SAE1: variants seen among roughly 807,000 people sequenced by gnomAD.
The protein encoded by SAE1 is SUMO1 activating enzyme subunit 1.
A neutral mutation model predicts 40.6 loss-of-function variants in SAE1; 11 were observed. That is an observed-to-expected ratio of 0.27 (90% confidence interval 0.17 to 0.45). SAE1 has a LOEUF of 0.45. SAE1 is among the 20% of genes least tolerant of loss of function. SAE1 has a pLI of 1.00. For missense variants in SAE1, 373 were observed against 427.3 expected, an observed-to-expected ratio of 0.87 and a Z score of 1.12; for synonymous variants, 155 against 154.3, an observed-to-expected ratio of 1.00 and a Z score of -0.03.
At chr19:47,173,149 C>T (rs2058445651) in intron 6 of SAE1, among the ~76,000 whole-genome samples, 1 of 152,162 alleles carries the variant, frequency 6.6e-6, no homozygotes, top group Non-Finnish European at 1.5e-5. Flanking sequence ...CAGGCACGCA[C>T]CACCACACCC....
At chr19:47,181,503 G>C (rs1480368072) in intron 6 of SAE1, among the ~76,000 whole-genome samples, 1 of 120,552 alleles carries the variant, frequency 8.3e-6, no homozygotes, top group Admixed American at 9.4e-5. Flanking sequence ...TTTTGAGATG[G>C]AGTCTCACTC....
intron 7 of SAE1, among the ~76,000 whole-genome samples, chr19:47,201,621 A>G (rs2058655992): frequency 6.7e-6 from 1 of 148,200 alleles, no homozygotes; most frequent in African/African-American, 2.5e-5. Flanking sequence ...ATGAGATTCT[A>G]CCAGCAATGG....
At chr19:47,165,076 C>CTTTTTTTTT (rs769656956) in intron 5 of SAE1, among the ~76,000 whole-genome samples, 6 of 59,074 alleles carry the variant, frequency 1.0e-4, no homozygotes, top group Non-Finnish European at 1.1e-4. Context: ...TGAGCCAAGT[C>CTTTTTTTTT]TTTTTTTTTT....
At chr19:47,173,481 C>T (rs925144655) in intron 6 of SAE1, among the ~76,000 whole-genome samples, 2 of 152,116 alleles carry the variant, frequency 1.3e-5, no homozygotes, top group Admixed American at 1.3e-4. Context: ...GTTCAATGAC[C>T]CCTGTGATGT....
intron 1 of SAE1, among the ~76,000 whole-genome samples, chr19:47,137,506 AATTT>A (rs1221203525): frequency 6.6e-5 from 10 of 152,292 alleles, no homozygotes; most frequent in African/African-American, 2.4e-4. Context: ...TTACAACTAA[AATTT>A]TTTTTTCTCG....
intron 6 of SAE1, among the ~76,000 whole-genome samples, chr19:47,173,277 G>C (rs553309043): frequency 6.6e-6 from 1 of 152,132 alleles, no homozygotes; most frequent in Non-Finnish European, 1.5e-5. Flanking sequence ...GATTAGAGGC[G>C]TGAGCCACCG....
At chr19:47,167,523 A>G (rs1302408259) in intron 5 of SAE1, among the ~76,000 whole-genome samples, 3 of 152,166 alleles carry the variant, frequency 2.0e-5, no homozygotes, top group Non-Finnish European at 4.4e-5. Flanking sequence ...TACAGGTGTG[A>G]GCCACTGCGC....
intron 6 of SAE1, among the ~76,000 whole-genome samples, chr19:47,171,744 G>A (rs765865484): frequency 1.3e-5 from 2 of 148,570 alleles, no homozygotes; most frequent in Non-Finnish European, 3.0e-5. Flanking sequence ...GATTACAGAC[G>A]TGAGCCACTG....
rs1436910958 is a variant in SAE1 at position 47,139,724 on chromosome 19, GACT to G, written c.99-3767_99-3765del. ...CTGTCTCAGCCTCCCGAGTAGCTGG[GACT>G]ACAGGCACCCGCCACCACTCCCGGC... On this transcript the variant is annotated intron_variant, in intron 1 of 8. Coordinates refer to ENST00000270225, the MANE Select transcript of SAE1 (RefSeq NM_005500.3). Among the ~76,000 whole-genome samples, 3 of 150,614 alleles carry G rather than the reference GACT, an allele frequency of 2.0e-5. No individual in the cohort carries two copies. In the East Asian group the frequency reaches 5.9e-4, roughly 30 times the overall value.
At chr19:47,183,207 TGCCTG>T (rs2058522235) in intron 6 of SAE1, among the ~76,000 whole-genome samples, 1 of 152,106 alleles carries the variant, frequency 6.6e-6, no homozygotes, top group Non-Finnish European at 1.5e-5. Context: ...TGAGCCACTG[TGCCTG>T]ACCGGTTCAC....
intron 2 of SAE1, among the ~76,000 whole-genome samples, chr19:47,147,024 G>A (rs1319504940): frequency 6.6e-6 from 1 of 152,068 alleles, no homozygotes; most frequent in South Asian, 2.1e-4. Context: ...CATTGAGTTG[G>A]TTTATGGAGC....
rs1178358148 is a variant in SAE1 at position 47,174,654 on chromosome 19, G to C, written c.733+4731G>C. On this transcript the variant is annotated intron_variant, in intron 6 of 8. Transcript: ENST00000270225. ...GTGGCATGATCTCAGCTCACTGCAA[G>C]CTCTGCCTCCCGGGTTCACGCCATT... Among the ~76,000 whole-genome samples, 22 of 142,970 alleles carry C rather than the reference G, an allele frequency of 1.5e-4. No individual in the cohort carries two copies. The Admixed American group carries it at 1.6e-3, about 11-fold the overall frequency. The allele number at this position is 142,970 out of a possible 152,430, so 93.8% of individuals were successfully genotyped here. A position where few individuals can be genotyped will look rare whatever the true frequency, so the allele number is the denominator to read the frequency against.
chr19:47,202,566 A>G (rs2058661438), intron 7 of SAE1, among the ~76,000 whole-genome samples: 1 of 150,896 alleles, frequency 6.6e-6, no homozygotes, highest in African/African-American at 2.4e-5. Context: ...GATTACAGGC[A>G]TCAGCCACTG....
rs2058622421 is a variant in SAE1, at chr19:47,197,313, A to G, written c.814A>G (p.Ile272Val). Reference protein sequence around the residue: ...YEEDSELLLQIRNDVLDSLGI... With the variant: ...YEEDSELLLQVRNDVLDSLGI... ...GGAAGATTCTGAGTTGTTGCTCCAG[A>G]TACGAAATGATGTGCTTGACTCACT... The change falls in exon 7 of 9, where the codon ATA (isoleucine) becomes GTA (valine). Residue 272 changes from isoleucine (I) to valine (V), a missense_variant. Physicochemically the swap from Ile to Val is conservative, Grantham distance 29 (BLOSUM62 3). This residue lies in a region of SAE1 where 351 missense variants were observed against 390.6 expected (regional missense o/e 0.90). Coordinates refer to ENST00000270225, the MANE Select transcript of SAE1 (RefSeq NM_005500.3). 1.2e-6 allele frequency: 2 copies of G among 1,614,088 alleles called. No homozygotes were observed. The highest frequency in any genetic ancestry group is 1.1e-5 in the South Asian group (1 of 91,082).
At chr19:47,179,944 T>C (rs1024415349) in intron 6 of SAE1, among the ~76,000 whole-genome samples, 1 of 152,118 alleles carries the variant, frequency 6.6e-6, no homozygotes, top group Non-Finnish European at 1.5e-5. Context: ...GTAAGTATAG[T>C]GTTAATAGTG....
Position 47,130,875 on chromosome 19 carries a change from T to G in SAE1, c.-56T>G. 3.2e-6 allele frequency: 5 copies of G among 1,544,530 alleles called. No homozygotes were observed. The highest frequency in any genetic ancestry group is 4.4e-6 in the Non-Finnish European group (5 of 1,144,756). ...CCGGCGGCGGTAGGTGGCGCGCGGG[T>G]CCGGCGGGCGGTTGGCTTGAGCGGG... On this transcript the variant is annotated 5_prime_UTR_variant, in exon 1 of 9. Coordinates refer to ENST00000270225, the MANE Select transcript of SAE1 (RefSeq NM_005500.3).
intron 4 of SAE1, among the ~76,000 whole-genome samples, chr19:47,154,480 CTTT>C (rs57870733): frequency 4.7e-3 from 242 of 51,556 alleles, no homozygotes; most frequent in South Asian, 0.015. Flanking sequence ...TTAAGTTTGG[CTTT>C]TTTTTTTTTT....
At chr19:47,182,443 T>G (rs1418440796) in intron 6 of SAE1, among the ~76,000 whole-genome samples, 1 of 149,498 alleles carries the variant, frequency 6.7e-6, no homozygotes, top group Non-Finnish European at 1.5e-5. Context: ...AAATAATTTG[T>G]AAGGAAAAAG....
At chr19:47,198,809 G>T (rs571381720) in intron 7 of SAE1, among the ~76,000 whole-genome samples, 2 of 152,258 alleles carry the variant, frequency 1.3e-5, no homozygotes, top group Non-Finnish European at 2.9e-5. Flanking sequence ...TGATTGTCCT[G>T]GTACAGTGGC....
Sources: allele counts gnomAD v4.1 joint callset (sites outside exome capture counted in the v4.1 genomes callset), GRCh38; gene constraint gnomAD v4.1.1; regional missense constraint gnomAD v4.1.1; transcripts MANE v1.5; gene names NCBI Gene and HGNC (gene_info 2026-07-23, HGNC 2026-07-21).